The following HCK variants were observed in gnomAD, a reference collection of about 807,000 sequenced individuals.
HCK encodes tyrosine-protein kinase HCK.
HCK carries 40 observed loss-of-function variants against 70.4 expected under a neutral mutation model. The observed-to-expected ratio is 0.57, with a 90% CI of 0.44 to 0.74. The LOEUF is 0.74. Among genes scored for constraint, HCK ranks in the 30% least tolerant of loss-of-function variants. The probability of loss-of-function intolerance (pLI) is 0.00; values close to 1 mark genes in which losing one functional copy is unlikely to be tolerated. For missense variants in HCK, 568 were observed against 697.2 expected (o/e 0.81, Z 2.09); for synonymous variants, 245 against 263.2 (o/e 0.93, Z 0.67).
intron 1 of HCK, among the ~76,000 whole-genome samples, chr20:32,060,514 A>G (rs1423747934): frequency 1.3e-5 from 2 of 152,230 alleles, no homozygotes; most frequent in South Asian, 2.1e-4. Flanking sequence ...AAGTGCTGGG[A>G]TTGCAGGCAT....
chr20:32,069,473 C>T (rs183386953), intron 1 of HCK, among the ~76,000 whole-genome samples: 31 of 152,274 alleles, frequency 2.0e-4, no homozygotes, highest in African/African-American at 5.3e-4. Context: ...CCAAAACACA[C>T]GAAATGTGAT....
At chr20:32,070,521 G>A (rs539471777) in intron 1 of HCK, among the ~76,000 whole-genome samples, 1 of 152,152 alleles carries the variant, frequency 6.6e-6, no homozygotes, top group African/African-American at 2.4e-5. Flanking sequence ...TTCCCTCAGA[G>A]TGTCCCCTCA....
rs910185 is a variant in HCK, at chr20:32,086,815, G to A, written c.1015+8G>A. On this transcript the variant is annotated splice_region_variant and intron_variant, in intron 9 of 12. Coordinates refer to ENST00000375852, the MANE Select transcript of HCK (RefSeq NM_002110.5). ...CGGAGTTCATGGCCAAAGGTGCTGCGTGCTGGGGCTGGGGGTGCAGGCTGT... is the reference window on the plus strand; with the variant it reads ...CGGAGTTCATGGCCAAAGGTGCTGCATGCTGGGGCTGGGGGTGCAGGCTGT... 0.019 allele frequency: 30,009 copies of A among 1,565,834 alleles called. 2,059 individuals carry two copies. The East Asian group carries it at 0.2, about 10-fold the overall frequency.
chr20:32,063,992 CTTTTTTTTTT>C (rs58620860), intron 1 of HCK, among the ~76,000 whole-genome samples: 5 of 54,210 alleles, frequency 9.2e-5, no homozygotes, highest in Admixed American at 6.3e-4. Flanking sequence ...ATCTCTACTT[CTTTTTTTTTT>C]TTTTTTTTTT....
At chr20:32,056,608 G>A (rs868275748) in intron 1 of HCK, among the ~76,000 whole-genome samples, 2 of 151,900 alleles carry the variant, frequency 1.3e-5, no homozygotes, top group Non-Finnish European at 2.9e-5. Flanking sequence ...AATATACAAG[G>A]GTTTCAATTG....
intron 9 of HCK, among the ~76,000 whole-genome samples, chr20:32,087,376 T>C (rs573635492): frequency 6.6e-6 from 1 of 152,302 alleles, no homozygotes; most frequent in Admixed American, 6.5e-5. Context: ...CAATCATAAC[T>C]CCTGGGCTCA....
chr20:32,055,398 C>G (rs1227960170), intron 1 of HCK, among the ~76,000 whole-genome samples: 2 of 152,152 alleles, frequency 1.3e-5, no homozygotes, highest in African/African-American at 2.4e-5. Context: ...TTTGAGGGAA[C>G]AATAACCAAT....
At chr20:32,070,979 A>G (rs868055603) in intron 1 of HCK, among the ~76,000 whole-genome samples, 1 of 101,700 alleles carries the variant, frequency 9.8e-6, no homozygotes, top group African/African-American at 4.0e-5. Context: ...AGCAGGAAGG[A>G]AGGGAGGGAG....
In HCK at chr20:32,074,772, C is replaced by T. The variant is rs377138478; in HGVS notation, c.428+51C>T. ...AGAAAGAGGCATGAGCAAAGCCAGC[C>T]TTGTTTGCAACTCAGGACGTCTGCA... On this transcript the variant is annotated intron_variant, in intron 5 of 12. Transcript: ENST00000375852. 4.5e-6 allele frequency: 6 copies of T among 1,334,828 alleles called. No homozygotes were observed. The African/African-American group carries it at 7.2e-5, about 16-fold the overall frequency. 82.7% of individuals were successfully genotyped at this position (1,334,828 alleles called of 1,614,324 possible). A position where few individuals can be genotyped will look rare whatever the true frequency, so the allele number is the denominator to read the frequency against.
At chr20:32,078,954 A>G (rs184720453) in intron 5 of HCK, among the ~76,000 whole-genome samples, 10 of 151,262 alleles carry the variant, frequency 6.6e-5, no homozygotes, top group Non-Finnish European at 2.9e-5. Flanking sequence ...CTTCCTCCCC[A>G]GTTGATAACA....
chr20:32,087,791 G>A (rs1325026901), intron 9 of HCK, among the ~76,000 whole-genome samples: 4 of 152,052 alleles, frequency 2.6e-5, no homozygotes, highest in Non-Finnish European at 5.9e-5. Context: ...ACAGGTGCCT[G>A]CCACCATGCC....
intron 9 of HCK, among the ~76,000 whole-genome samples, chr20:32,087,919 G>A (rs112571861): frequency 0.015 from 2,274 of 152,242 alleles, 67 homozygotes; most frequent in African/African-American, 0.051. Flanking sequence ...TGGAATTACA[G>A]GCGTGAGCAA....
At chr20:32,060,088 G>A (rs1218648602) in intron 1 of HCK, among the ~76,000 whole-genome samples, 2 of 152,138 alleles carry the variant, frequency 1.3e-5, no homozygotes, top group African/African-American at 4.8e-5. Context: ...TGGCCACCAT[G>A]TCCTGTCTGG....
At chr20:32,055,513 T>C (rs910878801) in intron 1 of HCK, among the ~76,000 whole-genome samples, 3 of 152,258 alleles carry the variant, frequency 2.0e-5, no homozygotes, top group Non-Finnish European at 4.4e-5. Context: ...TGCTTAGTAT[T>C]ACATTGTAGC....
intron 5 of HCK, 48 bp from the exon 6 acceptor site, chr20:32,079,726 G>A (rs2045680574): frequency 3.8e-6 from 5 of 1,327,682 alleles, no homozygotes; most frequent in Non-Finnish European, 5.4e-6. Context: ...AGGCCGGACA[G>A]GACTGCATGA....
At position 32,084,561 on chromosome 20, in the gene HCK, C is replaced by T. The variant is rs772657364; in HGVS notation, c.835+18C>T. 1 of 1,608,264 alleles carries T rather than the reference C, an allele frequency of 6.2e-7. No individual in the cohort carries two copies. The highest frequency in any genetic ancestry group is 8.5e-7 in the Non-Finnish European group (1 of 1,176,884). ...CTGGATGGGTAAGGACCCAGGGCCA[C>T]AGCCCACAGGGCCAGAGGGTGGAGG... is the stretch of plus-strand genomic sequence containing the variant. On this transcript the variant is annotated intron_variant, in intron 8 of 12. Transcript: ENST00000375852.
chr20:32,073,691 A>T, intron 3 of HCK, 25 bp from the exon 4 acceptor site: 2 of 1,508,204 alleles, frequency 1.3e-6, no homozygotes, highest in Non-Finnish European at 1.8e-6. Flanking sequence ...ACGAAACCTC[A>T]CCCTCTGTGT....
intron 1 of HCK, chr20:32,054,278 A>C (rs867579037): frequency 2.4e-5 from 11 of 456,222 alleles, no homozygotes; most frequent in South Asian, 1.5e-4. Flanking sequence ...GATTGCATAT[A>C]AATGTACGCA....
Position 32,088,601 on chromosome 20 carries a change from G to A in HCK, c.1049G>A (p.Gly350Asp), listed in dbSNP as rs747978102. The A allele has an allele frequency of 2.5e-6, 4 of 1,613,994 alleles. No individual in the cohort carries two copies. Among genetic ancestry groups the A allele is most frequent in the African/African-American group, 1.3e-5 (1 of 75,000 alleles). Residue 350 changes from glycine (G) to aspartate (D), a missense_variant, in exon 10 of 13, where the codon GGC (glycine) becomes GAC (aspartate). Physicochemically the swap from Gly to Asp is moderately conservative, Grantham distance 94 (BLOSUM62 -1). Around this residue, in one of 4 missense-constraint regions of HCK, gnomAD observed 160 missense variants for 237.5 expected, o/e 0.67. Coordinates refer to ENST00000375852, the MANE Select transcript of HCK (RefSeq NM_002110.5). ...CTGGACTTTCTGAAAAGTGATGAGG[G>A]CAGCAAGCAGCCATTGCCAAAACTC...
Sources: allele counts gnomAD v4.1 joint callset (sites outside exome capture counted in the v4.1 genomes callset), GRCh38; gene constraint gnomAD v4.1.1; regional missense constraint gnomAD v4.1.1; transcripts MANE v1.5; gene names NCBI Gene and HGNC (gene_info 2026-07-23, HGNC 2026-07-21).